The following CPNE4 variants were observed in gnomAD, a reference collection of about 807,000 sequenced individuals.
CPNE4 encodes copine 4.
A neutral mutation model predicts 67.9 loss-of-function variants in CPNE4; 25 were observed. That is an observed-to-expected ratio of 0.37 (90% CI 0.27 to 0.51). CPNE4 has a LOEUF of 0.51. Ranked by LOEUF, CPNE4 falls within the 20% of genes least tolerant of loss-of-function variation. CPNE4 has a pLI of 0.93. For missense variants in CPNE4, 464 were observed against 690.8 expected (o/e 0.67, Z 3.68); for synonymous variants, 242 against 244.9 (o/e 0.99, Z 0.11).
intron 12 of CPNE4, among the ~76,000 whole-genome samples, chr3:131,555,179 A>C (rs1046270193): frequency 1.3e-5 from 2 of 152,006 alleles, no homozygotes; most frequent in Non-Finnish European, 2.9e-5. Context: ...GGGATATACG[A>C]GTGAATAGGT....
chr3:131,972,956 T>A (rs530311143), intron 1 of CPNE4, among the ~76,000 whole-genome samples: 1 of 152,184 alleles, frequency 6.6e-6, no homozygotes, highest in African/African-American at 2.4e-5. Context: ...AGCTTTCTCA[T>A]ATATTTTTTT....
chr3:131,728,085 T>C (rs1249083971), intron 2 of CPNE4, among the ~76,000 whole-genome samples: 1 of 152,188 alleles, frequency 6.6e-6, no homozygotes, highest in Non-Finnish European at 1.5e-5. Context: ...GTGAAAGAGA[T>C]TTTTGCTTAA....
chr3:131,853,369 T>C (rs989335663), intron 2 of CPNE4, among the ~76,000 whole-genome samples: 3 of 150,972 alleles, frequency 2.0e-5, no homozygotes, highest in Non-Finnish European at 3.0e-5. Flanking sequence ...AACTCGATAC[T>C]TGTGTGTGTG....
At chr3:131,791,383 G>A (rs183424513) in intron 2 of CPNE4, among the ~76,000 whole-genome samples, 275 of 152,250 alleles carry the variant, frequency 1.8e-3, no homozygotes, top group Non-Finnish European at 2.8e-3. Context: ...ACAAGTCAAT[G>A]AGGTCTACCT....
intron 2 of CPNE4, among the ~76,000 whole-genome samples, chr3:131,774,252 C>T (rs2083240699): frequency 6.6e-6 from 1 of 151,746 alleles, no homozygotes; most frequent in Admixed American, 6.6e-5. Flanking sequence ...AGAGATGAGG[C>T]TCTATCTAGT....
intron 1 of CPNE4, among the ~76,000 whole-genome samples, chr3:132,014,279 T>G (rs1243139919): frequency 6.6e-6 from 1 of 152,050 alleles, no homozygotes; most frequent in Admixed American, 6.5e-5. Flanking sequence ...TAAGGGGACA[T>G]GGGTAGAACA....
At chr3:131,765,326 T>G (rs2107821825) in intron 2 of CPNE4, among the ~76,000 whole-genome samples, 1 of 152,260 alleles carries the variant, frequency 6.6e-6, no homozygotes, top group East Asian at 1.9e-4. Flanking sequence ...ATTTAGTTAA[T>G]TAATCTAAGA....
At chr3:131,647,233 T>C (rs903712669) in intron 7 of CPNE4, among the ~76,000 whole-genome samples, 1 of 152,210 alleles carries the variant, frequency 6.6e-6, no homozygotes. Context: ...AAGCCTTTCC[T>C]TTTAGAATAC....
chr3:131,982,710 G>T (rs1157205655), intron 1 of CPNE4, among the ~76,000 whole-genome samples: 1 of 152,002 alleles, frequency 6.6e-6, no homozygotes, highest in East Asian at 1.9e-4. Context: ...GAAAGATCAA[G>T]ATTTATTTTA....
intron 7 of CPNE4, among the ~76,000 whole-genome samples, chr3:131,654,322 ATT>A (rs1360077202): frequency 6.6e-6 from 1 of 151,214 alleles, no homozygotes; most frequent in Non-Finnish European, 1.5e-5. Context: ...TGTCATGGGG[ATT>A]TTTGTACAGA....
intron 2 of CPNE4, among the ~76,000 whole-genome samples, chr3:131,764,816 T>C (rs1440767736): frequency 2.6e-5 from 4 of 152,100 alleles, no homozygotes; most frequent in African/African-American, 7.2e-5. Context: ...CCAGGGTTTC[T>C]ATTTCTACAT....
At chr3:131,804,732 G>A (rs2084250349) in intron 2 of CPNE4, among the ~76,000 whole-genome samples, 1 of 152,206 alleles carries the variant, frequency 6.6e-6, no homozygotes, top group African/African-American at 2.4e-5. Flanking sequence ...AGGCTTAAAT[G>A]CTTCTGCTCT....
intron 9 of CPNE4, among the ~76,000 whole-genome samples, chr3:131,578,255 A>T (rs1419760034): frequency 6.6e-6 from 1 of 152,050 alleles, no homozygotes; most frequent in East Asian, 1.9e-4. Flanking sequence ...TATTATGGTG[A>T]TCTGTGATCA....
chr3:131,609,440 C>T lies in CPNE4; in HGVS notation c.682-21858G>A, dbSNP rs72999281. Among the ~76,000 whole-genome samples, 675 of 152,262 alleles carry T rather than the reference C, an allele frequency of 4.4e-3. 5 individuals are homozygous for T. The highest frequency in any genetic ancestry group is 0.016 in the African/African-American group (646 of 41,542). Reference sequence around the variant, plus strand: ...AGTTAGGAATGAGGTGTGCTCTCTCCATTCTCTTTTCCTATCCACCAGCTG... The same window carrying T: ...AGTTAGGAATGAGGTGTGCTCTCTCTATTCTCTTTTCCTATCCACCAGCTG... On this transcript the variant is annotated intron_variant, in intron 7 of 15. Transcript: ENST00000429747.
At chr3:131,983,821 C>G (rs984826734) in intron 1 of CPNE4, among the ~76,000 whole-genome samples, 1 of 152,176 alleles carries the variant, frequency 6.6e-6, no homozygotes, top group Non-Finnish European at 1.5e-5. Context: ...CTATATCCAT[C>G]GAAGACAACA....
At chr3:131,926,300 A>G (rs1401763522) in intron 1 of CPNE4, among the ~76,000 whole-genome samples, 1 of 152,202 alleles carries the variant, frequency 6.6e-6, no homozygotes, top group East Asian at 1.9e-4. Flanking sequence ...AGCCTGTGAC[A>G]AGCATTGTAA....
chr3:131,976,548 T>C (rs2072661038), intron 1 of CPNE4, among the ~76,000 whole-genome samples: 1 of 152,018 alleles, frequency 6.6e-6, no homozygotes, highest in African/African-American at 2.4e-5. Flanking sequence ...CTGGGGTGTA[T>C]GTCAGAATAT....
At chr3:131,811,389 T>C (rs1371107571) in intron 2 of CPNE4, among the ~76,000 whole-genome samples, 1 of 152,088 alleles carries the variant, frequency 6.6e-6, no homozygotes, top group Non-Finnish European at 1.5e-5. Context: ...AAAAAATATA[T>C]ATATATAAAG....
At chr3:131,592,184 T>C (rs1429921116) in intron 7 of CPNE4, among the ~76,000 whole-genome samples, 1 of 152,190 alleles carries the variant, frequency 6.6e-6, no homozygotes, top group Non-Finnish European at 1.5e-5. Context: ...ATTATAATAG[T>C]TAAAAAGTAT....
Sources: allele counts gnomAD v4.1 joint callset (sites outside exome capture counted in the v4.1 genomes callset), GRCh38; gene constraint gnomAD v4.1.1; transcripts MANE v1.5; gene names NCBI Gene and HGNC (gene_info 2026-07-23, HGNC 2026-07-21).